Variants in WWOX observed in about 807,000 individuals in gnomAD.
The protein encoded by WWOX is WW domain-containing oxidoreductase.
WWOX carries 69 observed loss-of-function variants against 46.2 expected under a neutral mutation model. The ratio of observed to expected loss-of-function variants is 1.49; its 90% CI spans 1.23 to 1.82. The LOEUF (loss-of-function observed/expected upper bound fraction) is 1.82, where lower values mean the gene tolerates loss of function less well. Ranked by LOEUF, WWOX falls within the 40% of genes most tolerant of loss-of-function variation. The pLI, the probability that WWOX is intolerant of heterozygous loss-of-function variation, is 0.00. For synonymous variants in WWOX, 359 were observed against 202.6 expected, an observed-to-expected ratio of 1.77 and a Z score of -6.56; for missense variants, 919 against 542.6, an observed-to-expected ratio of 1.69 and a Z score of -6.89.
At chr16:78,230,863 A>T (rs918420033) in intron 5 of WWOX, among the ~76,000 whole-genome samples, 3 of 152,206 alleles carry the variant, frequency 2.0e-5, no homozygotes, top group Non-Finnish European at 2.9e-5. Flanking sequence ...ACACATTTAG[A>T]TTCTCCATGC....
intron 8 of WWOX, among the ~76,000 whole-genome samples, chr16:78,522,329 T>TCAC (rs2043366676): frequency 6.6e-6 from 1 of 152,136 alleles, no homozygotes; most frequent in Non-Finnish European, 1.5e-5. Context: ...TGCGGAACAT[T>TCAC]AAAGCACAAC....
chr16:78,644,450 A>T lies in WWOX; in HGVS notation c.1056+211698A>T, dbSNP rs890520759. Among the ~76,000 whole-genome samples the T allele has an allele frequency of 1.5e-4, 22 of 151,312 alleles. No individual in the cohort carries two copies. The South Asian group carries it at 1.9e-3, about 13-fold the overall frequency. ...CAGGGAGCGTATTTTCAAACCAAAAACCTGGGCCCTTATTTTTTTTTTCTT... is the reference window on the plus strand; with the variant it reads ...CAGGGAGCGTATTTTCAAACCAAAATCCTGGGCCCTTATTTTTTTTTTCTT... On this transcript the variant is annotated intron_variant, in intron 8 of 8. Coordinates refer to ENST00000566780, the MANE Select transcript of WWOX (RefSeq NM_016373.4).
chr16:78,851,300 C>T (rs1378513066), intron 8 of WWOX, among the ~76,000 whole-genome samples: 3 of 152,154 alleles, frequency 2.0e-5, no homozygotes, highest in Non-Finnish European at 4.4e-5. Flanking sequence ...CTATAATTAT[C>T]ACATAGTTTG....
chr16:78,772,980 ATGCCGCTG>A (rs1169506716), intron 8 of WWOX, among the ~76,000 whole-genome samples: 1 of 152,202 alleles, frequency 6.6e-6, no homozygotes, highest in African/African-American at 2.4e-5. Flanking sequence ...AGCTGTCATC[ATGCCGCTG>A]TGCTCCAGCC....
intron 8 of WWOX, among the ~76,000 whole-genome samples, chr16:79,140,202 T>A (rs1156606096): frequency 6.6e-6 from 1 of 152,204 alleles, no homozygotes; most frequent in East Asian, 1.9e-4. Context: ...ACGTTAACAT[T>A]CTAACTCGTG....
intron 5 of WWOX, among the ~76,000 whole-genome samples, chr16:78,226,732 T>A (rs1433847076): frequency 1.3e-5 from 2 of 152,134 alleles, no homozygotes; most frequent in Non-Finnish European, 2.9e-5. Context: ...CCGGCATGGC[T>A]ATGCTGTGGT....
At chr16:78,333,698 A>G (rs181258512) in intron 5 of WWOX, among the ~76,000 whole-genome samples, 1 of 152,242 alleles carries the variant, frequency 6.6e-6, no homozygotes, top group Non-Finnish European at 1.5e-5. Context: ...GTTTGTATAT[A>G]TGTATGTACA....
At chr16:78,370,798 G>A (rs956448572) in intron 5 of WWOX, among the ~76,000 whole-genome samples, 5 of 147,908 alleles carry the variant, frequency 3.4e-5, no homozygotes, top group Non-Finnish European at 6.0e-5. Flanking sequence ...TGGGGGGGGG[G>A]GGGCAATGCA....
At chr16:78,674,797 A>G (rs1264884932) in intron 8 of WWOX, among the ~76,000 whole-genome samples, 2 of 151,856 alleles carry the variant, frequency 1.3e-5, no homozygotes, top group East Asian at 1.9e-4. Flanking sequence ...ATATATTTTT[A>G]AACAATTACT....
chr16:78,671,033 G>C (rs1597422883), intron 8 of WWOX, among the ~76,000 whole-genome samples: 1 of 152,126 alleles, frequency 6.6e-6, no homozygotes, highest in African/African-American at 2.4e-5. Flanking sequence ...AGCTGGAACA[G>C]AGCCTGCAAG....
chr16:79,023,573 A>C (rs553257337), intron 8 of WWOX, among the ~76,000 whole-genome samples: 2 of 152,068 alleles, frequency 1.3e-5, no homozygotes, highest in African/African-American at 4.8e-5. Context: ...ACAGGCAAAC[A>C]TGTGTGTGTT....
intron 5 of WWOX, among the ~76,000 whole-genome samples, chr16:78,351,829 A>T (rs569389641): frequency 5.3e-4 from 81 of 152,100 alleles, no homozygotes; most frequent in Non-Finnish European, 1.0e-3. Flanking sequence ...GCTAATTTTT[A>T]TATTTTTACT....
chr16:78,424,295 G>T (rs2083025495), intron 6 of WWOX, among the ~76,000 whole-genome samples: 2 of 151,354 alleles, frequency 1.3e-5, no homozygotes, highest in African/African-American at 4.9e-5. Flanking sequence ...TTTTTTTTGT[G>T]TTTTGACAGA....
At chr16:78,578,284 A>ATATATATATATATTTTTTTTTT (rs1555567122) in intron 8 of WWOX, among the ~76,000 whole-genome samples, 3 of 20,838 alleles carry the variant, frequency 1.4e-4, no homozygotes, top group African/African-American at 4.5e-4. Context: ...ATATATATAT[A>ATATATATATATATTTTTTTTTT]TTTTTTTTTT....
chr16:78,399,264 G>C (rs1251785850), intron 6 of WWOX, among the ~76,000 whole-genome samples: 2 of 152,232 alleles, frequency 1.3e-5, no homozygotes, highest in African/African-American at 4.8e-5. Flanking sequence ...CCGATTCTCA[G>C]TGATAGAATC....
intron 8 of WWOX, among the ~76,000 whole-genome samples, chr16:79,158,169 A>G (rs2050418225): frequency 6.6e-6 from 1 of 152,194 alleles, no homozygotes; most frequent in South Asian, 2.1e-4. Context: ...GTTTAAAAAT[A>G]TATATGTTGG....
At chr16:79,127,460 T>G (rs1218782226) in intron 8 of WWOX, among the ~76,000 whole-genome samples, 1 of 152,230 alleles carries the variant, frequency 6.6e-6, no homozygotes. Context: ...TTTTAACAAC[T>G]GCTGAGTATT....
Position 78,894,965 on chromosome 16 carries a change from C to T in WWOX, c.1057-316643C>T, listed in dbSNP as rs538022984. On this transcript the variant is annotated intron_variant, in intron 8 of 8. Coordinates refer to ENST00000566780, the MANE Select transcript of WWOX (RefSeq NM_016373.4). ...AGTTCCAATGGATCCACCCAGGATC[C>T]ACCTCCACAACTAGGTGTACAGAAG... Among the ~76,000 whole-genome samples, 404 of 152,236 alleles carry T rather than the reference C, an allele frequency of 2.7e-3. 3 individuals carry two copies. The highest frequency in any genetic ancestry group is 4.0e-3 in the Non-Finnish European group (271 of 67,998).
At chr16:78,472,494 C>T (rs1196531417) in intron 8 of WWOX, among the ~76,000 whole-genome samples, 1 of 152,054 alleles carries the variant, frequency 6.6e-6, no homozygotes, top group East Asian at 1.9e-4. Flanking sequence ...GAAATATGTG[C>T]CCTGAAGTTT....
Sources: gnomAD v4.1 joint callset for allele counts (sites outside exome capture counted in the v4.1 genomes callset) on GRCh38, gnomAD v4.1.1 for gene constraint, MANE v1.5 for transcripts, NCBI Gene and HGNC (gene_info 2026-07-23, HGNC 2026-07-21) for gene names.